ASB2: variants seen among roughly 807,000 people sequenced by gnomAD.
ASB2 encodes ankyrin repeat and SOCS box containing 2.
ASB2 carries 58 observed loss-of-function variants against 62.4 expected under a neutral mutation model. The ratio of observed to expected loss-of-function variants is 0.93; its 90% CI spans 0.75 to 1.16. ASB2 has a LOEUF of 1.16. ASB2 is among the 50% of genes most tolerant of loss of function. The pLI, the probability that ASB2 is intolerant of heterozygous loss-of-function variation, is 0.00. For synonymous variants in ASB2, 386 were observed against 385.3 expected (o/e 1.00, Z -0.02); for missense variants, 928 against 887.9 (o/e 1.05, Z -0.57).
intron 6 of ASB2, among the ~76,000 whole-genome samples, chr14:93,950,093 C>T (rs1459529600): frequency 1.3e-5 from 2 of 152,176 alleles, no homozygotes; most frequent in South Asian, 2.1e-4. Flanking sequence ...ACCTCAGTCT[C>T]TTCATCTATA....
intron 1 of ASB2, among the ~76,000 whole-genome samples, chr14:93,965,836 A>G (rs1889573381): frequency 6.6e-6 from 1 of 152,218 alleles, no homozygotes; most frequent in Non-Finnish European, 1.5e-5. Flanking sequence ...ACACATGACA[A>G]GTATGTACAC....
In ASB2 at chr14:93,939,420, G is replaced by A. The variant is rs2141272038; in HGVS notation, c.1305C>T (p.Ala435=). Reference sequence around the variant, plus strand: ...GGCTGATGACGTCGCGGTTGGGGTCGGCGCCGTGTTGCAGCAGCAGCTCGG... The same window carrying A: ...GGCTGATGACGTCGCGGTTGGGGTCAGCGCCGTGTTGCAGCAGCAGCTCGG... ...YATELLLQHG[A]DPNRDVISPL... The change falls in exon 8 of 10, where the codon GCC becomes GCT. Residue 435 remains alanine (A), a synonymous_variant. Transcript: ENST00000555019. 1 of 1,612,802 alleles carries A rather than the reference G, an allele frequency of 6.2e-7. No homozygotes were observed. Among genetic ancestry groups the A allele is most frequent in the Non-Finnish European group, 8.5e-7 (1 of 1,179,828 alleles).
chr14:93,942,181 C>A, intron 7 of ASB2: 1 of 455,992 alleles, frequency 2.2e-6, no homozygotes, highest in Non-Finnish European at 4.4e-6. Flanking sequence ...CAGTCTGACT[C>A]TTCCCACTTC....
At chr14:93,949,420 C>T (rs760842319) in intron 6 of ASB2, among the ~76,000 whole-genome samples, 3 of 152,228 alleles carry the variant, frequency 2.0e-5, no homozygotes, top group Non-Finnish European at 2.9e-5. Context: ...ATAATAGTAC[C>T]TACCCCTCGG....
Position 93,951,264 on chromosome 14 carries a change from G to A in ASB2, c.635-20C>T. 6.3e-7 allele frequency: 1 copy of A among 1,576,490 alleles called. No individual in the cohort carries two copies. Reference sequence around the variant, plus strand: ...CGCAGGCTGTGCTCAGGGGGAAGCAGGGATGGTCAGCAGGGCCTGGCAGGA... The same window carrying A: ...CGCAGGCTGTGCTCAGGGGGAAGCAAGGATGGTCAGCAGGGCCTGGCAGGA... On this transcript the variant is annotated intron_variant, in intron 5 of 9. Transcript: ENST00000555019.
At chr14:93,974,164 A>C (rs1007376885) in intron 1 of ASB2, 3 of 152,052 alleles carry the variant, frequency 2.0e-5, no homozygotes, top group South Asian at 2.1e-4. Context: ...CCCCGCCTCC[A>C]TTTAAATCTT....
At chr14:93,943,414 G>C (rs1888606921) in intron 7 of ASB2, among the ~76,000 whole-genome samples, 1 of 152,202 alleles carries the variant, frequency 6.6e-6, no homozygotes, top group Admixed American at 6.5e-5. Flanking sequence ...GGAGGCTGAG[G>C]CGGGTGGATC....
intron 6 of ASB2, among the ~76,000 whole-genome samples, chr14:93,949,078 T>C (rs533523960): frequency 6.6e-6 from 1 of 152,312 alleles, no homozygotes; most frequent in Admixed American, 6.5e-5. Flanking sequence ...GGGGGAGAAC[T>C]GATGTGCACA....
At position 93,950,602 on chromosome 14, in the gene ASB2, C is replaced by T. The variant is rs139353060; in HGVS notation, c.880+397G>A. Among the ~76,000 whole-genome samples, 13 of 152,236 alleles carry T rather than the reference C, an allele frequency of 8.5e-5. No individual in the cohort carries two copies. In the East Asian group the frequency reaches 1.7e-3, roughly 20 times the overall value. On this transcript the variant is annotated intron_variant, in intron 6 of 9. Transcript: ENST00000555019. The stretch of plus-strand genomic sequence containing the variant: ...AAGTGTGATGTGGTGGAAAGAGAAG[C>T]GGTTGGGGTGTCAGGAGACCAAGAG...
rs1888195586 is a variant in ASB2 at position 93,934,386 on chromosome 14, G to A, written c.*270C>T. ...GCTCTGCCCTGGCCCCAGGAATAGA[G>A]GTTTCTGCCATTCCTGAAGGTAGAG... On this transcript the variant is annotated 3_prime_UTR_variant, in exon 10 of 10. Transcript: ENST00000555019. The A allele has an allele frequency of 2.1e-6, 1 of 471,652 alleles. No homozygotes were observed. The highest frequency in any genetic ancestry group is 3.9e-6 in the Non-Finnish European group (1 of 256,912). 29.2% of individuals were successfully genotyped at this position (471,652 alleles called of 1,614,324 possible).
In ASB2 at chr14:93,970,410, G is replaced by T. The variant is rs139476694; in HGVS notation, c.-73-5798C>A. On this transcript the variant is annotated intron_variant, in intron 1 of 9. Coordinates refer to ENST00000555019, the MANE Select transcript of ASB2 (RefSeq NM_001202429.2). ...CCCTGAAGGTGCCCTTCCAGAAACA[G>T]CTCCAGCATCTCCTCTACCAGGAAG... Among the ~76,000 whole-genome samples the T allele has an allele frequency of 7.7e-3, 1,172 of 152,232 alleles. 9 individuals carry two copies. Among genetic ancestry groups the T allele is most frequent in the Middle Eastern group, 0.031 (9 of 294 alleles).
chr14:93,941,618 C>T (rs1203367430), intron 7 of ASB2: 2 of 455,954 alleles, frequency 4.4e-6, no homozygotes, highest in Admixed American at 2.3e-5. Context: ...AGGCCTGGGC[C>T]TCACCCTGGA....
chr14:93,973,151 A>G (rs1194195445), intron 1 of ASB2, among the ~76,000 whole-genome samples: 1 of 152,144 alleles, frequency 6.6e-6, no homozygotes, highest in Non-Finnish European at 1.5e-5. Context: ...CTGCCCCTAC[A>G]TAACCCTGTA....
intron 6 of ASB2, 25 bp from the exon 7 acceptor site, chr14:93,947,545 A>C (rs939253767): frequency 6.2e-7 from 1 of 1,610,280 alleles, no homozygotes; most frequent in Non-Finnish European, 8.5e-7. Flanking sequence ...GAGATCAGCA[A>C]GTGGCCAAGT....
chr14:93,966,632 G>A (rs766837728), intron 1 of ASB2, among the ~76,000 whole-genome samples: 7 of 152,196 alleles, frequency 4.6e-5, no homozygotes, highest in Non-Finnish European at 8.8e-5. Context: ...TGCTGGGTCC[G>A]CCCACCCTAG....
intron 2 of ASB2, among the ~76,000 whole-genome samples, chr14:93,958,116 C>G (rs543104650): frequency 1.3e-5 from 2 of 152,328 alleles, no homozygotes; most frequent in South Asian, 4.1e-4. Context: ...GCTTCATGCT[C>G]TCAGGGCTGC....
rs1318130957 is a variant in ASB2, at chr14:93,964,448, A to G, written c.92T>C (p.Val31Ala). 6.5e-7 allele frequency: 1 copy of G among 1,536,090 alleles called. No homozygotes were observed. The highest frequency in any genetic ancestry group is 1.2e-5 in the South Asian group (1 of 84,052). ...TAGGCTCTGCTCGATGGCCATCTGC[A>G]CCAGTTCATCCTCGCTCAGGCTGCT... ...LYSSLSEDEL[V>A]QMAIEQSLAD... The change falls in exon 2 of 10, where the codon GTG becomes GCG. Residue 31 changes from valine to alanine, a missense_variant. Physicochemically the swap from Val to Ala is moderately conservative, Grantham distance 64. Transcript: ENST00000555019.
At chr14:93,976,038 A>G (rs1252309084) in intron 1 of ASB2, among the ~76,000 whole-genome samples, 1 of 152,066 alleles carries the variant, frequency 6.6e-6, no homozygotes, top group Non-Finnish European at 1.5e-5. Flanking sequence ...ATTAACTCCC[A>G]CTCATGAAAA....
Position 93,954,312 on chromosome 14 carries a change from C to T in ASB2, c.478+5G>A. The T allele has an allele frequency of 3.1e-6, 5 of 1,612,068 alleles. No homozygotes were observed. Among genetic ancestry groups the T allele is most frequent in the Non-Finnish European group, 3.4e-6 (4 of 1,179,320 alleles). Reference sequence around the variant, plus strand: ...CTCTTGCCACCGTCAGAGCCCAGCCCTCACCTCGCTGCAGGACTTTCAGGC... The same window carrying T: ...CTCTTGCCACCGTCAGAGCCCAGCCTTCACCTCGCTGCAGGACTTTCAGGC... On this transcript the variant is annotated splice_donor_5th_base_variant and intron_variant, in intron 4 of 9. Coordinates refer to ENST00000555019, the MANE Select transcript of ASB2 (RefSeq NM_001202429.2).
Sources: gnomAD v4.1 joint callset for allele counts (sites outside exome capture counted in the v4.1 genomes callset) on GRCh38, gnomAD v4.1.1 for gene constraint, MANE v1.5 for transcripts, NCBI Gene and HGNC (gene_info 2026-07-23, HGNC 2026-07-21) for gene names.